Variants in RNF213 observed in about 807,000 individuals in gnomAD.
RNF213 encodes ring finger protein 213, also known as E3 ubiquitin-protein ligase RNF213.
Under a neutral mutation model 514.4 loss-of-function variants are expected in RNF213, and 341 were observed. The observed-to-expected ratio is 0.66, with a 90% CI of 0.61 to 0.73. RNF213 has a LOEUF of 0.73. RNF213 is among the 30% of genes least tolerant of loss of function. The pLI, the probability that RNF213 is intolerant of heterozygous loss-of-function variation, is 0.00. For missense variants in RNF213, 5,767 were observed against 6,615.6 expected, an observed-to-expected ratio of 0.87 and a Z score of 4.45; for synonymous variants, 2,655 against 2,658.2, an observed-to-expected ratio of 1.00 and a Z score of 0.04.
At chr17:80,378,222 A>C (rs1386642793) in intron 54 of RNF213, among the ~76,000 whole-genome samples, 1 of 152,208 alleles carries the variant, frequency 6.6e-6, no homozygotes, top group East Asian at 1.9e-4. Context: ...CCTTGTCTTG[A>C]TAGAATGGCA....
intron 3 of RNF213, 52 bp from the exon 4 acceptor site, chr17:80,287,763 C>A: frequency 6.3e-7 from 1 of 1,589,070 alleles, no homozygotes; most frequent in Non-Finnish European, 8.6e-7. Context: ...GAAACACGGG[C>A]TAGAGTAGAG....
At chr17:80,378,869 A>AT (rs1488356950) in intron 54 of RNF213, among the ~76,000 whole-genome samples, 2 of 152,266 alleles carry the variant, frequency 1.3e-5, no homozygotes, top group African/African-American at 2.4e-5. Flanking sequence ...ATGTGATTAG[A>AT]TTTTTTTAAA....
At chr17:80,359,768 G>A (rs575175300) in intron 37 of RNF213, among the ~76,000 whole-genome samples, 1 of 152,312 alleles carries the variant, frequency 6.6e-6, no homozygotes, top group African/African-American at 2.4e-5. Flanking sequence ...AAGCCAGACA[G>A]GTTCAGGAAC....
At chr17:80,262,656 A>G (rs2043465600) in intron 1 of RNF213, among the ~76,000 whole-genome samples, 1 of 152,206 alleles carries the variant, frequency 6.6e-6, no homozygotes, top group African/African-American at 2.4e-5. Flanking sequence ...AGAACTCCTG[A>G]GTATGTGGTT....
rs769522214 is a variant in RNF213 at position 80,389,879 on chromosome 17, T to C, written c.15247T>C (p.Ser5083Pro). The C allele has an allele frequency of 1.2e-6, 2 of 1,614,216 alleles. No individual in the cohort carries two copies. The highest frequency in any genetic ancestry group is 8.5e-7 in the Non-Finnish European group (1 of 1,180,042). ...KHTIALWQFL[S>P]AHKSEQLLRL... Reference sequence around the variant, plus strand: ...CACCATTGCCCTCTGGCAGTTCCTGTCTGCTCATAAGTCTGAACAGCTGCT... The same window carrying C: ...CACCATTGCCCTCTGGCAGTTCCTGCCTGCTCATAAGTCTGAACAGCTGCT... The change falls in exon 66 of 68, where the codon TCT becomes CCT. Residue 5083 changes from serine to proline, a missense_variant. Coordinates refer to ENST00000582970, the MANE Select transcript of RNF213 (RefSeq NM_001256071.3).
intron 11 of RNF213, among the ~76,000 whole-genome samples, chr17:80,303,567 C>CTTTTTTTTTTTTTTTTT (rs61546164): frequency 7.6e-6 from 1 of 130,930 alleles, no homozygotes; most frequent in Non-Finnish European, 1.6e-5. Context: ...CTTTTCTTTT[C>CTTTTTTTTTTTTTTTTT]TTTTTTTTTT....
chr17:80,276,982 G>A (rs572090646), intron 3 of RNF213, among the ~76,000 whole-genome samples: 3 of 152,062 alleles, frequency 2.0e-5, no homozygotes, highest in African/African-American at 4.8e-5. Flanking sequence ...ACTTGAACCC[G>A]GGAGGGGGAG....
intron 23 of RNF213, chr17:80,336,702 T>G (rs1472025867): frequency 5.6e-6 from 2 of 359,484 alleles, no homozygotes; most frequent in African/African-American, 4.2e-5. Context: ...TTACTTTTTG[T>G]TATTTTCTAT....
chr17:80,385,276 G>A, intron 60 of RNF213, 105 bp downstream of exon 60: 1 of 1,383,192 alleles, frequency 7.2e-7, no homozygotes, highest in Non-Finnish European at 1.0e-6. Context: ...GGCGCTGATG[G>A]GTGCTCTATA....
chr17:80,338,828 A>G (rs1034906060), intron 25 of RNF213, among the ~76,000 whole-genome samples: 1 of 151,448 alleles, frequency 6.6e-6, no homozygotes, highest in Non-Finnish European at 1.5e-5. Flanking sequence ...CGTGCCTGTA[A>G]TCCCAGCTGC....
rs1173029944 is a variant in RNF213 at position 80,347,358 on chromosome 17, G to A, written c.9023G>A (p.Cys3008Tyr). The change falls in exon 29 of 68, where the codon TGC becomes TAC. Residue 3008 changes from cysteine (C) to tyrosine (Y), a missense_variant. Coordinates refer to ENST00000582970, the MANE Select transcript of RNF213 (RefSeq NM_001256071.3). The surrounding 1 kb of genome is among the most constrained non-coding windows in gnomAD (Gnocchi z 7.2). ...IFLANLPEAK[C>Y]SEEVSPMQLI... is the part of the protein sequence containing the mutation. ...CTGGCCAATTTGCCCGAGGCCAAGT[G>A]CTCAGAGGAAGTCAGCCCCATGCAG... The A allele has an allele frequency of 1.1e-5, 18 of 1,613,788 alleles. 1 individual carries two copies. The highest frequency in any genetic ancestry group is 3.3e-5 in the Admixed American group (2 of 60,004).
rs141327958 is a variant in RNF213, at chr17:80,362,054, C to T, written c.11355+166C>T. Among the ~76,000 whole-genome samples the T allele has an allele frequency of 2.3e-3, 352 of 152,262 alleles. 3 individuals are homozygous for T. The highest frequency in any genetic ancestry group is 8.0e-3 in the African/African-American group (333 of 41,550). On this transcript the variant is annotated intron_variant, in intron 39 of 67. Coordinates refer to ENST00000582970, the MANE Select transcript of RNF213 (RefSeq NM_001256071.3). ...GGTGGGTGAAGGGGTCGCCCAGTCTCCTCTCAATATTCAGTGCTACACCCT... is the reference window on the plus strand; with the variant it reads ...GGTGGGTGAAGGGGTCGCCCAGTCTTCTCTCAATATTCAGTGCTACACCCT...
chr17:80,347,408 C>T lies in RNF213; in HGVS notation c.9073C>T (p.Pro3025Ser). 1.2e-6 allele frequency: 2 copies of T among 1,613,928 alleles called. No homozygotes were observed. Among genetic ancestry groups the T allele is most frequent in the Non-Finnish European group, 1.7e-6 (2 of 1,180,036 alleles). The change falls in exon 29 of 68, where the codon CCT becomes TCT. Residue 3025 changes from proline to serine, a missense_variant. Around this residue, in one of 13 missense-constraint regions of RNF213, gnomAD observed 919 missense variants for 1,121.0 expected, o/e 0.82. Transcript: ENST00000582970. The surrounding 1 kb of genome is among the most constrained non-coding windows in gnomAD (Gnocchi z 7.2). ...MQLIKQNIFG[P>S]SQKVPGGEQE... The stretch of plus-strand genomic sequence containing the variant: ...GCTGATCAAACAGAACATCTTTGGG[C>T]CTTCTCAGAAGGTGCCGGGTGGAGA...
chr17:80,269,564 GTCCA>G (rs143160659), intron 2 of RNF213, among the ~76,000 whole-genome samples: 2,817 of 148,854 alleles, frequency 0.019, 54 homozygotes, highest in East Asian at 0.11. Flanking sequence ...TATTCTATCT[GTCCA>G]TCCATCTATA....
intron 49 of RNF213, 102 bp downstream of exon 49, chr17:80,373,267 C>G (rs1599167151): frequency 1.1e-6 from 1 of 909,412 alleles, no homozygotes; most frequent in African/African-American, 2.1e-5. Context: ...CCCCCCACAC[C>G]CCACCCCCTC....
rs935178955 is a variant in RNF213, at chr17:80,288,847, G to A, written c.933+92G>A. ...TTAATTATTCAGCAAATATTTAAGT[G>A]CTGGGGATATAGCCATGATTCAGAC... is the stretch of plus-strand genomic sequence containing the variant. On this transcript the variant is annotated intron_variant, in intron 5 of 67. Coordinates refer to ENST00000582970, the MANE Select transcript of RNF213 (RefSeq NM_001256071.3). This position sits in a 1 kb window ranked among gnomAD's most constrained non-coding sequence, Gnocchi z 4.9. The A allele has an allele frequency of 1.1e-5, 18 of 1,597,240 alleles. No individual in the cohort carries two copies. Among genetic ancestry groups the A allele is most frequent in the Non-Finnish European group, 1.5e-5 (18 of 1,168,856 alleles).
At chr17:80,334,329 G>C in intron 22 of RNF213, 59 bp downstream of exon 22, 1 of 1,484,110 alleles carries the variant, frequency 6.7e-7, no homozygotes, top group Non-Finnish European at 8.9e-7. Context: ...ATGGCGCACT[G>C]TGTGGCGTTC....
intron 13 of RNF213, among the ~76,000 whole-genome samples, chr17:80,307,575 G>A (rs1429053757): frequency 6.7e-6 from 1 of 149,004 alleles, no homozygotes; most frequent in African/African-American, 2.5e-5. Context: ...TTGAGATGGA[G>A]TCTCACTCTT....
At position 80,374,602 on chromosome 17, in the gene RNF213, C is replaced by T. The variant is rs1429767134; in HGVS notation, c.13074+13C>T. The T allele has an allele frequency of 2.5e-6, 4 of 1,613,732 alleles. No individual in the cohort carries two copies. The highest frequency in any genetic ancestry group is 2.2e-5 in the East Asian group (1 of 44,882). ...GACTGCTCTGAAGGTAGGATGGGCC[C>T]GTGGCTTCTCTCTGATACCAGGTGG... On this transcript the variant is annotated intron_variant, in intron 50 of 67. Coordinates refer to ENST00000582970, the MANE Select transcript of RNF213 (RefSeq NM_001256071.3).
Sources: gnomAD v4.1 joint callset for allele counts (sites outside exome capture counted in the v4.1 genomes callset) on GRCh38, gnomAD v4.1.1 for gene constraint, gnomAD v4.1.1 regional missense constraint, Gnocchi (gnomAD v3.1) non-coding constraint, MANE v1.5 for transcripts, NCBI Gene and HGNC (gene_info 2026-07-23, HGNC 2026-07-21) for gene names.